SGIP1: variants seen among roughly 807,000 people sequenced by gnomAD.
The protein encoded by SGIP1 is SH3GL interacting endocytic adaptor 1.
In SGIP1, 38 loss-of-function variants were observed where a neutral mutation model predicts 107.5. That is an observed-to-expected ratio of 0.35 (90% CI 0.27 to 0.46). The LOEUF is 0.46. Among genes scored for constraint, SGIP1 ranks in the 20% least tolerant of loss-of-function variants. The pLI, the probability that SGIP1 is intolerant of heterozygous loss-of-function variation, is 1.00. For missense variants in SGIP1, 929 were observed against 1,019.5 expected, an observed-to-expected ratio of 0.91 and a Z score of 1.21; for synonymous variants, 365 against 366.1, an observed-to-expected ratio of 1.00 and a Z score of 0.03.
chr1:66,739,767 A>C (rs1452601266), intron 22 of SGIP1, among the ~76,000 whole-genome samples: 1 of 152,204 alleles, frequency 6.6e-6, no homozygotes, highest in African/African-American at 2.4e-5. Flanking sequence ...GATCTCCAAA[A>C]ATGCCTCCCA....
At chr1:66,609,047 T>TATATCCCACAGGGATGAAGGTCACTTATA (rs1371387284) in intron 1 of SGIP1, among the ~76,000 whole-genome samples, 3 of 152,162 alleles carry the variant, frequency 2.0e-5, no homozygotes, top group African/African-American at 7.2e-5. Context: ...GAAGGTCACT[T>TATATCCCACAGGGATGAAGGTCACTTATA]TTGACACTTG....
chr1:66,542,479 T>C (rs1435774666), intron 1 of SGIP1, among the ~76,000 whole-genome samples: 1 of 152,112 alleles, frequency 6.6e-6, no homozygotes, highest in East Asian at 1.9e-4. Flanking sequence ...TAGGCTGCCA[T>C]TGACCTTGAA....
chr1:66,548,604 C>T (rs1305943063), intron 1 of SGIP1, among the ~76,000 whole-genome samples: 1 of 152,100 alleles, frequency 6.6e-6, no homozygotes, highest in African/African-American at 2.4e-5. Context: ...CGTTCTGATA[C>T]TGAATCAGTT....
At chr1:66,712,482 C>T (rs1301878603) in intron 18 of SGIP1, among the ~76,000 whole-genome samples, 2 of 152,174 alleles carry the variant, frequency 1.3e-5, no homozygotes, top group East Asian at 3.9e-4. Context: ...CCTGATTAAA[C>T]TCAGGAGGTA....
chr1:66,601,367 A>C (rs886434082), intron 1 of SGIP1, among the ~76,000 whole-genome samples: 1 of 152,200 alleles, frequency 6.6e-6, no homozygotes, highest in Non-Finnish European at 1.5e-5. Flanking sequence ...TCCGTCCCAA[A>C]CACAAACAAG....
At chr1:66,634,581 C>T (rs1296106630) in intron 3 of SGIP1, among the ~76,000 whole-genome samples, 1 of 152,198 alleles carries the variant, frequency 6.6e-6, no homozygotes, top group Non-Finnish European at 1.5e-5. Context: ...AGTCCTTCAC[C>T]ATTCCAAATC....
Position 66,679,741 on chromosome 1 carries a change from C to A in SGIP1, c.803C>A (p.Thr268Lys). The change falls in exon 14 of 25, where the codon ACA becomes AAA. Residue 268 changes from threonine (T) to lysine (K), a missense_variant. Transcript: ENST00000371037. ...CCACCCCGAACAGGATCCCCCTTAA[C>A]AATTGGACCAGGTACGCTTTTGTTT... Reference protein sequence around the residue: ...ATPPRTGSPLTIGPGNDQSAT... With the variant: ...ATPPRTGSPLKIGPGNDQSAT... 1 of 1,599,996 alleles carries A rather than the reference C, an allele frequency of 6.3e-7. No individual in the cohort carries two copies. The highest frequency in any genetic ancestry group is 8.5e-7 in the Non-Finnish European group (1 of 1,176,360).
intron 18 of SGIP1, among the ~76,000 whole-genome samples, chr1:66,698,233 A>C (rs1205913274): frequency 6.6e-6 from 1 of 152,192 alleles, no homozygotes; most frequent in African/African-American, 2.4e-5. Flanking sequence ...GAGATAGAAA[A>C]GTGTTAGTGG....
intron 1 of SGIP1, among the ~76,000 whole-genome samples, chr1:66,611,207 A>G (rs953128130): frequency 2.6e-5 from 4 of 152,246 alleles, no homozygotes; most frequent in Admixed American, 2.6e-4. Flanking sequence ...TTCTGAATGC[A>G]TGATTTATTT....
chr1:66,556,005 A>C (rs2058122272), intron 1 of SGIP1, among the ~76,000 whole-genome samples: 4 of 152,180 alleles, frequency 2.6e-5, no homozygotes. Context: ...CATTAGCATT[A>C]TTCTATGTTA....
Position 66,744,608 on chromosome 1 carries a change from T to C in SGIP1, c.*1513T>C, listed in dbSNP as rs2094528742. The C allele has an allele frequency of 6.6e-6, 1 of 152,116 alleles. No homozygotes were observed. Among genetic ancestry groups the C allele is most frequent in the Admixed American group, 6.5e-5 (1 of 15,282 alleles). The allele number at this position is 152,116 out of a possible 1,614,324, so 9.4% of individuals were successfully genotyped here. A position where few individuals can be genotyped will look rare whatever the true frequency, so the allele number is the denominator to read the frequency against. ...ACACCCACTCAAATTTAACAAAGAA[T>C]CTTTAGCCCCTTTAAATTTTAGAAT... is the stretch of plus-strand genomic sequence containing the variant. On this transcript the variant is annotated 3_prime_UTR_variant, in exon 25 of 25. Coordinates refer to ENST00000371037, the MANE Select transcript of SGIP1 (RefSeq NM_032291.4).
At chr1:66,642,604 C>T (rs140046015) in intron 5 of SGIP1, among the ~76,000 whole-genome samples, 89 of 152,212 alleles carry the variant, frequency 5.8e-4, no homozygotes, top group African/African-American at 2.0e-3. Flanking sequence ...GATTCCTCCT[C>T]GTTTATTTTC....
chr1:66,694,549 A>T (rs2090495777), intron 17 of SGIP1: 2 of 1,471,280 alleles, frequency 1.4e-6, no homozygotes, highest in African/African-American at 1.4e-5. Flanking sequence ...GATTCCAAAA[A>T]TCCAAGCCAT....
chr1:66,742,970 C>CAGA, intron 24 of SGIP1, 103 bp from the exon 25 acceptor site: 1 of 1,161,442 alleles, frequency 8.6e-7, no homozygotes, highest in Admixed American at 1.8e-5. Context: ...TATGCAGTAT[C>CAGA]TGGCTCCTAG....
chr1:66,547,495 T>G (rs2056622444), intron 1 of SGIP1, among the ~76,000 whole-genome samples: 1 of 152,204 alleles, frequency 6.6e-6, no homozygotes, highest in South Asian at 2.1e-4. Context: ...TCTGGATTTC[T>G]TCTCTTGAGT....
At chr1:66,669,758 T>C (rs1031914444) in intron 9 of SGIP1, among the ~76,000 whole-genome samples, 1 of 152,162 alleles carries the variant, frequency 6.6e-6, no homozygotes, top group Non-Finnish European at 1.5e-5. Context: ...CCAGAAAATG[T>C]AGTTTGAGAG....
intron 18 of SGIP1, among the ~76,000 whole-genome samples, chr1:66,714,754 A>T (rs959728481): frequency 1.3e-5 from 2 of 152,144 alleles, no homozygotes; most frequent in Non-Finnish European, 2.9e-5. Context: ...CCAAGGCCAC[A>T]GAGCTCTTAA....
At chr1:66,539,289 A>C (rs2054331016) in intron 1 of SGIP1, among the ~76,000 whole-genome samples, 1 of 152,208 alleles carries the variant, frequency 6.6e-6, no homozygotes, top group African/African-American at 2.4e-5. Context: ...GTACGGTGTG[A>C]GGCAGAGGTA....
chr1:66,608,641 C>A (rs1289829778), intron 1 of SGIP1, among the ~76,000 whole-genome samples: 1 of 152,192 alleles, frequency 6.6e-6, no homozygotes, highest in East Asian at 1.9e-4. Context: ...TGTTTCATTT[C>A]CCCTCTGGCA....
Sources: gnomAD v4.1 joint callset for allele counts (sites outside exome capture counted in the v4.1 genomes callset) on GRCh38, gnomAD v4.1.1 for gene constraint, MANE v1.5 for transcripts, NCBI Gene and HGNC (gene_info 2026-07-23, HGNC 2026-07-21) for gene names.